The following PPAT variants were observed in gnomAD, a reference collection of about 807,000 sequenced individuals.
PPAT encodes the protein amidophosphoribosyltransferase.
A neutral mutation model predicts 60.2 loss-of-function variants in PPAT; 20 were observed. That is an observed-to-expected ratio of 0.33 (90% CI 0.23 to 0.48). PPAT has a LOEUF of 0.48. PPAT is among the 20% of genes least tolerant of loss of function. PPAT has a pLI of 0.99. For missense variants in PPAT, 349 were observed against 629.6 expected, an observed-to-expected ratio of 0.55 and a Z score of 4.77; for synonymous variants, 194 against 215.1, an observed-to-expected ratio of 0.90 and a Z score of 0.86.
intron 1 of PPAT, chr4:56,410,880 C>T: frequency 1.1e-6 from 1 of 899,602 alleles, no homozygotes; most frequent in Non-Finnish European, 1.3e-6. Flanking sequence ...CCAAGTACAG[C>T]CCCAGAGACC....
chr4:56,406,508 C>A lies in PPAT; in HGVS notation c.389G>T (p.Arg130Leu). 3 of 1,611,812 alleles carry A rather than the reference C, an allele frequency of 1.9e-6. No homozygotes were observed. The highest frequency in any genetic ancestry group is 1.1e-5 in the South Asian group (1 of 90,980). The change falls in exon 3 of 11, where the codon CGA (arginine) becomes CTA (leucine). Residue 130 changes from arginine to leucine, a missense_variant. Transcript: ENST00000264220. Reference protein sequence around the residue: ...AHNGELVNAARLRKKLLRHGI... With the variant: ...AHNGELVNAALLRKKLLRHGI... ...AAACAAACGTACCTTTTTCCTTAAT[C>A]GAGCAGCATTTACCAATTCGCCATT...
At position 56,393,912 on chromosome 4, in the gene PPAT, C is replaced by G. The variant is rs1171063921; in HGVS notation, c.*1440G>C. The G allele has an allele frequency of 5.3e-5, 8 of 152,170 alleles. No individual in the cohort carries two copies. The highest frequency in any genetic ancestry group is 5.2e-4 in the Admixed American group (8 of 15,276). The allele number at this position is 152,170 out of a possible 1,614,324, so 9.4% of individuals were successfully genotyped here. A position where few individuals can be genotyped will look rare whatever the true frequency, so the allele number is the denominator to read the frequency against. On this transcript the variant is annotated 3_prime_UTR_variant, in exon 11 of 11. Coordinates refer to ENST00000264220, the MANE Select transcript of PPAT (RefSeq NM_002703.5). ...TGCCACAGGGTTATCTGACCCACTG[C>G]TGCATGTGGGCTTAAAGAGCTGTCA...
In PPAT at chr4:56,399,269, G is replaced by T; in HGVS notation, c.1146C>A (p.Gly382=). 1 of 1,613,834 alleles carries T rather than the reference G, an allele frequency of 6.2e-7. No individual in the cohort carries two copies. The highest frequency in any genetic ancestry group is 8.5e-7 in the Non-Finnish European group (1 of 1,179,874). Residue 382 remains glycine (G), a synonymous_variant, in exon 9 of 11, where the codon GGC becomes GGA. Coordinates refer to ENST00000264220, the MANE Select transcript of PPAT (RefSeq NM_002703.5). ...AATCATCTACAAGAACAATTCTTTT[G>T]CCTTTAAAGTTGTCTGACAATACTC... The part of the protein sequence containing the change: ...KFGVLSDNFK[G]KRIVLVDDSI...
At chr4:56,411,997 AATCG>A (rs1011330810) in intron 1 of PPAT, among the ~76,000 whole-genome samples, 2 of 152,218 alleles carry the variant, frequency 1.3e-5, no homozygotes, top group African/African-American at 4.8e-5. Flanking sequence ...ATTAAACAGC[AATCG>A]CATTATTTTA....
At chr4:56,410,470 A>G in intron 1 of PPAT, 1 of 979,296 alleles carries the variant, frequency 1.0e-6, no homozygotes, top group South Asian at 4.7e-5. Context: ...CCTAGGAAAC[A>G]AAACCTTGGC....
chr4:56,417,842 G>GTTTT (rs35004501), intron 1 of PPAT, among the ~76,000 whole-genome samples: 2 of 136,186 alleles, frequency 1.5e-5, no homozygotes, highest in African/African-American at 2.7e-5. Context: ...TTGGTTTTTT[G>GTTTT]TTTTTTTTTT....
At chr4:56,414,801 G>A (rs543184207) in intron 1 of PPAT, among the ~76,000 whole-genome samples, 1 of 152,236 alleles carries the variant, frequency 6.6e-6, no homozygotes, top group African/African-American at 2.4e-5. Flanking sequence ...CCTGGGCCCT[G>A]TTTCTCTAAA....
intron 3 of PPAT, among the ~76,000 whole-genome samples, chr4:56,404,553 G>A (rs1261652436): frequency 6.6e-6 from 1 of 151,548 alleles, no homozygotes; most frequent in Admixed American, 6.6e-5. Flanking sequence ...TTTTCAGTAG[G>A]GAGCTAAAGG....
At chr4:56,424,648 G>C (rs747004991) in intron 1 of PPAT, among the ~76,000 whole-genome samples, 2 of 152,098 alleles carry the variant, frequency 1.3e-5, no homozygotes, top group Non-Finnish European at 2.9e-5. Context: ...TTTTCTCCCT[G>C]GTCTGAAGCA....
intron 1 of PPAT, among the ~76,000 whole-genome samples, chr4:56,415,705 T>C (rs746614404): frequency 1.6e-4 from 25 of 152,170 alleles, no homozygotes; most frequent in Admixed American, 8.5e-4. Flanking sequence ...ACCTACTCTT[T>C]TACATTACTG....
At chr4:56,407,386 T>C (rs1716269036) in intron 2 of PPAT, among the ~76,000 whole-genome samples, 1 of 151,888 alleles carries the variant, frequency 6.6e-6, no homozygotes. Context: ...TGGCGCAATA[T>C]CAGCTCACCA....
At chr4:56,414,336 T>C (rs1464398475) in intron 1 of PPAT, 1 of 152,206 alleles carries the variant, frequency 6.6e-6, no homozygotes, top group Non-Finnish European at 1.5e-5. Flanking sequence ...GGCCACTTGT[T>C]AGGCAGCAAG....
At chr4:56,408,737 G>A (rs1716317513) in intron 1 of PPAT, among the ~76,000 whole-genome samples, 2 of 138,918 alleles carry the variant, frequency 1.4e-5, no homozygotes, top group Admixed American at 7.5e-5. Context: ...CTGGGCGACA[G>A]AGCGAGATTC....
At chr4:56,431,382 G>A in intron 1 of PPAT, 1 of 938,212 alleles carries the variant, frequency 1.1e-6, no homozygotes, top group South Asian at 4.9e-5. Flanking sequence ...ATTCTCACAA[G>A]TGCCTTTCCA....
chr4:56,426,348 G>A (rs1317496854), intron 1 of PPAT, among the ~76,000 whole-genome samples: 1 of 151,956 alleles, frequency 6.6e-6, no homozygotes, highest in East Asian at 1.9e-4. Flanking sequence ...GTTGCAGTGA[G>A]CCGTGGTCAC....
intron 1 of PPAT, among the ~76,000 whole-genome samples, chr4:56,408,731 G>A (rs1192341016): frequency 1.4e-5 from 2 of 146,872 alleles, no homozygotes; most frequent in Admixed American, 6.9e-5. Flanking sequence ...TCCGGCCTGG[G>A]CGACAGAGCG....
chr4:56,423,112 C>G (rs1717125979), intron 1 of PPAT: 1 of 152,222 alleles, frequency 6.6e-6, no homozygotes, highest in Non-Finnish European at 1.5e-5. Context: ...ACCAAGCCCC[C>G]AAGCTGAAGT....
At chr4:56,420,039 G>C (rs1156848681) in intron 1 of PPAT, 1 of 975,840 alleles carries the variant, frequency 1.0e-6, no homozygotes. Context: ...AATGGGAGAG[G>C]ACCAGACAGG....
At chr4:56,426,896 C>A (rs1717318067) in intron 1 of PPAT, among the ~76,000 whole-genome samples, 1 of 152,204 alleles carries the variant, frequency 6.6e-6, no homozygotes, top group Non-Finnish European at 1.5e-5. Flanking sequence ...AACAATAACT[C>A]CTCCATCCCA....
Sources: gnomAD v4.1 joint callset for allele counts (sites outside exome capture counted in the v4.1 genomes callset) on GRCh38, gnomAD v4.1.1 for gene constraint, MANE v1.5 for transcripts, NCBI Gene and HGNC (gene_info 2026-07-23, HGNC 2026-07-21) for gene names.